Variants in MACROD2 observed in about 807,000 individuals in gnomAD.
MACROD2 encodes mono-ADP ribosylhydrolase 2.
In MACROD2, 36 loss-of-function variants were observed where a neutral mutation model predicts 70.4. The observed-to-expected ratio is 0.51, with a 90% CI of 0.39 to 0.68. The LOEUF is 0.68. Among genes scored for constraint, MACROD2 ranks in the 30% least tolerant of loss-of-function variants. MACROD2 has a pLI of 0.00. For synonymous variants in MACROD2, 172 were observed against 178.8 expected, an observed-to-expected ratio of 0.96 and a Z score of 0.30; for missense variants, 496 against 538.4, an observed-to-expected ratio of 0.92 and a Z score of 0.78.
At chr20:14,789,767 C>G (rs997941785) in intron 5 of MACROD2, among the ~76,000 whole-genome samples, 1 of 151,836 alleles carries the variant, frequency 6.6e-6, no homozygotes, top group Admixed American at 6.6e-5. Flanking sequence ...TGAGCCACTG[C>G]ACCCGGCCAG....
At chr20:14,323,467 CTT>C (rs1212096258) in intron 3 of MACROD2, 1 of 152,110 alleles carries the variant, frequency 6.6e-6, no homozygotes, top group Non-Finnish European at 1.5e-5. Context: ...AAATCTTGAC[CTT>C]TTGTTTTTTT....
intron 5 of MACROD2, among the ~76,000 whole-genome samples, chr20:15,164,859 C>T (rs1224560486): frequency 6.6e-6 from 1 of 152,008 alleles, no homozygotes; most frequent in Non-Finnish European, 1.5e-5. Flanking sequence ...TGTGGTCAGG[C>T]CACTACACTC....
chr20:15,264,752 G>C (rs2077278128), intron 6 of MACROD2, among the ~76,000 whole-genome samples: 1 of 152,072 alleles, frequency 6.6e-6, no homozygotes, highest in African/African-American at 2.4e-5. Context: ...TAGAGGATGA[G>C]GGGATTAACA....
intron 16 of MACROD2, among the ~76,000 whole-genome samples, chr20:16,042,246 A>G (rs2147613613): frequency 6.6e-6 from 1 of 152,120 alleles, no homozygotes; most frequent in South Asian, 2.1e-4. Context: ...ATGGGCATGC[A>G]TTGCCTGTGA....
At chr20:15,682,083 T>G (rs984491563) in intron 8 of MACROD2, among the ~76,000 whole-genome samples, 1 of 152,200 alleles carries the variant, frequency 6.6e-6, no homozygotes, top group Non-Finnish European at 1.5e-5. Context: ...GAATATGTAT[T>G]TCATAACATG....
intron 5 of MACROD2, among the ~76,000 whole-genome samples, chr20:15,144,364 C>A (rs1305751187): frequency 6.6e-6 from 1 of 152,088 alleles, no homozygotes; most frequent in East Asian, 1.9e-4. Flanking sequence ...CTCAAGCAGC[C>A]ACAAAAGAAA....
intron 5 of MACROD2, among the ~76,000 whole-genome samples, chr20:14,900,675 T>G (rs1005859538): frequency 2.0e-5 from 3 of 152,050 alleles, no homozygotes; most frequent in Non-Finnish European, 4.4e-5. Context: ...AATTATGATT[T>G]TAGTAATTGA....
chr20:14,544,752 C>T (rs188973371), intron 4 of MACROD2, among the ~76,000 whole-genome samples: 80 of 152,124 alleles, frequency 5.3e-4, no homozygotes, highest in African/African-American at 1.8e-3. Flanking sequence ...CTTAATGATG[C>T]TGTGGCATTC....
chr20:15,948,401 A>AG (rs2147358167), intron 12 of MACROD2, among the ~76,000 whole-genome samples: 1 of 149,710 alleles, frequency 6.7e-6, no homozygotes, highest in East Asian at 2.0e-4. Flanking sequence ...AAAAAAAAAA[A>AG]AAAAAAAAAA....
At chr20:15,755,883 A>G (rs1165422869) in intron 8 of MACROD2, among the ~76,000 whole-genome samples, 1 of 152,240 alleles carries the variant, frequency 6.6e-6, no homozygotes, top group Non-Finnish European at 1.5e-5. Flanking sequence ...ACAGCAGGAA[A>G]CAAACTCTAA....
At chr20:14,730,979 G>GCACA (rs11474396) in intron 5 of MACROD2, among the ~76,000 whole-genome samples, 33,064 of 138,636 alleles carry the variant, frequency 0.24, 3,737 homozygotes, top group East Asian at 0.4. Flanking sequence ...AACAGGTTTA[G>GCACA]CACACACACA....
chr20:14,626,932 T>C (rs892815527), intron 4 of MACROD2: 1 of 152,204 alleles, frequency 6.6e-6, no homozygotes, highest in South Asian at 2.1e-4. Flanking sequence ...GAAGAGATGC[T>C]AGCCAAAGAT....
chr20:14,140,889 G>A lies in MACROD2; in HGVS notation c.271+55161G>A, dbSNP rs2054864265. The stretch of plus-strand genomic sequence containing the variant: ...CTATATGGATCTTTCCTTCTATGTT[G>A]GAAAAACAAAGTTGAAATTTACCAC... On this transcript the variant is annotated intron_variant, in intron 3 of 17. Transcript: ENST00000684519. Among the ~76,000 whole-genome samples the A allele has an allele frequency of 1.3e-5, 2 of 152,012 alleles. 1 individual carries two copies. The highest frequency in any genetic ancestry group is 4.1e-4 in the South Asian group (2 of 4,822).
intron 8 of MACROD2, among the ~76,000 whole-genome samples, chr20:15,557,131 A>C (rs1352568877): frequency 1.3e-5 from 2 of 152,038 alleles, no homozygotes; most frequent in Non-Finnish European, 2.9e-5. Context: ...TTGCAGTAAA[A>C]TTCACTTCTC....
At chr20:14,367,404 G>T (rs1036553586) in intron 3 of MACROD2, among the ~76,000 whole-genome samples, 18 of 152,132 alleles carry the variant, frequency 1.2e-4, no homozygotes, top group South Asian at 4.1e-4. Flanking sequence ...TTGCTGCCTA[G>T]TATCCTTTTT....
intron 5 of MACROD2, among the ~76,000 whole-genome samples, chr20:15,037,302 T>C (rs2075320841): frequency 1.3e-5 from 2 of 152,204 alleles, no homozygotes; most frequent in Non-Finnish European, 2.9e-5. Context: ...GGAGAGTAGA[T>C]AATTTTAGTA....
intron 6 of MACROD2, among the ~76,000 whole-genome samples, chr20:15,313,927 A>G (rs2077780908): frequency 6.6e-6 from 1 of 152,166 alleles, no homozygotes; most frequent in African/African-American, 2.4e-5. Context: ...TAATTGTGTT[A>G]TTATTTTTTC....
At chr20:15,768,417 A>C (rs1273857199) in intron 8 of MACROD2, among the ~76,000 whole-genome samples, 2 of 152,194 alleles carry the variant, frequency 1.3e-5, no homozygotes, top group Non-Finnish European at 1.5e-5. Context: ...AAGATACTGT[A>C]AAAATATGAT....
At chr20:14,590,802 T>C (rs905775190) in intron 4 of MACROD2, among the ~76,000 whole-genome samples, 1 of 152,192 alleles carries the variant, frequency 6.6e-6, no homozygotes, top group African/African-American at 2.4e-5. Flanking sequence ...TGTCAGGTCA[T>C]TTCTTAAAGT....
Sources: gnomAD v4.1 joint callset for allele counts (sites outside exome capture counted in the v4.1 genomes callset) on GRCh38, gnomAD v4.1.1 for gene constraint, MANE v1.5 for transcripts, NCBI Gene and HGNC (gene_info 2026-07-23, HGNC 2026-07-21) for gene names.